The following COL22A1 variants were observed in gnomAD, a reference collection of about 807,000 sequenced individuals.
The protein encoded by COL22A1 is collagen type XXII alpha 1 chain.
Under a neutral mutation model 248.9 loss-of-function variants are expected in COL22A1, and 221 were observed. That is an observed-to-expected ratio of 0.89 (90% CI 0.80 to 0.99). The LOEUF (loss-of-function observed/expected upper bound fraction) is 0.99, where lower values mean the gene tolerates loss of function less well. Ranked by LOEUF, COL22A1 falls within the 50% of genes least tolerant of loss-of-function variation. The pLI, the probability that COL22A1 is intolerant of heterozygous loss-of-function variation, is 0.00. For synonymous variants in COL22A1, 891 were observed against 793.4 expected (o/e 1.12, Z -2.07); for missense variants, 2,240 against 2,179.0 (o/e 1.03, Z -0.56).
chr8:138,617,128 C>A (rs1819401089), intron 53 of COL22A1, among the ~76,000 whole-genome samples, 170 bp from the exon 54 acceptor site: 3 of 152,230 alleles, frequency 2.0e-5, no homozygotes, highest in Non-Finnish European at 4.4e-5. Flanking sequence ...GGTTTGACAA[C>A]TGGATACCAA....
intron 30 of COL22A1, among the ~76,000 whole-genome samples, chr8:138,708,024 C>T (rs1828623286): frequency 6.6e-6 from 1 of 152,148 alleles, no homozygotes; most frequent in African/African-American, 2.4e-5. Flanking sequence ...CACGAGTGAA[C>T]TCCCATTCAC....
rs371559054 is a variant in COL22A1 at position 138,906,658 on chromosome 8, C to CTT, written c.-73+6959_-73+6960dup. ...TTGACATAAGACTGACTTTCTTTTT[C>CTT]TTTTTTTTTTTTGAGACAGAGTCTG... On this transcript the variant is annotated intron_variant, in intron 1 of 64. Transcript: ENST00000303045. Among the ~76,000 whole-genome samples, 459 of 144,452 alleles carry CTT rather than the reference C, an allele frequency of 3.2e-3. 4 individuals carry two copies. Among genetic ancestry groups the CTT allele is most frequent in the African/African-American group, 0.011 (439 of 39,532 alleles). 94.8% of individuals were successfully genotyped at this position (144,452 alleles called of 152,430 possible).
At chr8:138,683,050 G>A (rs6982858) in intron 39 of COL22A1, among the ~76,000 whole-genome samples, 150,402 of 152,256 alleles carry the variant, frequency 0.99, 74,316 homozygotes, top group East Asian at 1. Flanking sequence ...AGAAGCCATG[G>A]TAATGAAACC....
At chr8:138,835,197 G>C (rs1419375437) in intron 4 of COL22A1, among the ~76,000 whole-genome samples, 1 of 152,164 alleles carries the variant, frequency 6.6e-6, no homozygotes, top group African/African-American at 2.4e-5. Context: ...AGGTTGTCAA[G>C]TTCTTGGAAA....
chr8:138,851,157 A>G (rs1821612817), intron 3 of COL22A1, among the ~76,000 whole-genome samples: 1 of 152,170 alleles, frequency 6.6e-6, no homozygotes, highest in African/African-American at 2.4e-5. Context: ...GGGCTTTGGG[A>G]GCGGGGACAC....
intron 31 of COL22A1, among the ~76,000 whole-genome samples, chr8:138,702,797 C>A (rs1192686047): frequency 6.6e-6 from 1 of 152,122 alleles, no homozygotes; most frequent in Non-Finnish European, 1.5e-5. Flanking sequence ...ATAATATTTT[C>A]TAACAGACGA....
rs1818250556 is a variant in COL22A1, at chr8:138,811,782, T to G, written c.1449+17A>C. The stretch of plus-strand genomic sequence containing the variant: ...CCCAGGGTTCTGCTGGGGCTGAAGG[T>G]GGACTGCAGACAATACCTTCTCTCC... On this transcript the variant is annotated intron_variant, in intron 9 of 64. Transcript: ENST00000303045. 1 of 1,598,838 alleles carries G rather than the reference T, an allele frequency of 6.3e-7. No homozygotes were observed.
chr8:138,837,899 C>A (rs925371502), intron 4 of COL22A1, among the ~76,000 whole-genome samples: 1 of 152,096 alleles, frequency 6.6e-6, no homozygotes, highest in Non-Finnish European at 1.5e-5. Context: ...AGAGGTGGGA[C>A]GTGTCCTGGT....
chr8:138,905,111 G>A (rs1814913260), intron 1 of COL22A1, among the ~76,000 whole-genome samples: 2 of 152,312 alleles, frequency 1.3e-5, no homozygotes, highest in South Asian at 2.1e-4. Flanking sequence ...TTAGATACAT[G>A]ACAAACTCTA....
chr8:138,625,548 GACA>G (rs1199565242), intron 51 of COL22A1, among the ~76,000 whole-genome samples: 1 of 152,282 alleles, frequency 6.6e-6, no homozygotes, highest in East Asian at 1.9e-4. Context: ...AAAAGTTCAG[GACA>G]ACATCTTTGG....
chr8:138,644,005 C>T (rs182277983), intron 47 of COL22A1, among the ~76,000 whole-genome samples: 377 of 152,344 alleles, frequency 2.5e-3, no homozygotes, highest in Non-Finnish European at 4.0e-3. Flanking sequence ...TGATCTTGAA[C>T]TCCTGTCCTC....
chr8:138,824,417 T>C (rs1306383666), intron 6 of COL22A1, among the ~76,000 whole-genome samples: 1 of 152,200 alleles, frequency 6.6e-6, no homozygotes. Flanking sequence ...TTTCTTCTAA[T>C]CTCTCTATTA....
chr8:138,897,314 G>A (rs1007952251), intron 1 of COL22A1, among the ~76,000 whole-genome samples: 2 of 152,148 alleles, frequency 1.3e-5, no homozygotes, highest in Non-Finnish European at 2.9e-5. Context: ...TTGGGAGGCT[G>A]AGGCAGGCGA....
chr8:138,877,951 GGCC>G lies in COL22A1; in HGVS notation c.454_456del (p.Gly152del), dbSNP rs1563876470. On this transcript the variant is annotated inframe_deletion, in exon 3 of 65. Transcript: ENST00000303045. ...GCGTCCAGCACCAGGTCCTGGCTGC[GGCC>G]GTCGGTGAGCAGGATGGCCACCTGC... The G allele has an allele frequency of 6.3e-7, 1 of 1,596,582 alleles. No individual in the cohort carries two copies. Among genetic ancestry groups the G allele is most frequent in the Admixed American group, 1.7e-5 (1 of 58,148 alleles).
intron 60 of COL22A1, among the ~76,000 whole-genome samples, chr8:138,601,056 T>C (rs1000094804): frequency 2.6e-5 from 4 of 152,070 alleles, no homozygotes; most frequent in Non-Finnish European, 5.9e-5. Context: ...TCTCCGCCTA[T>C]TGATTAGGTA....
intron 52 of COL22A1, among the ~76,000 whole-genome samples, chr8:138,623,330 C>A (rs1173866881): frequency 1.3e-5 from 2 of 150,792 alleles, no homozygotes; most frequent in Non-Finnish European, 2.9e-5. Flanking sequence ...GCAGGTGCCA[C>A]TCAGATTTTA....
At chr8:138,759,380 G>C (rs1172928398) in intron 18 of COL22A1, among the ~76,000 whole-genome samples, 1 of 152,156 alleles carries the variant, frequency 6.6e-6, no homozygotes, top group African/African-American at 2.4e-5. Context: ...GGTCTCAGCC[G>C]TCTGAGCTGA....
intron 22 of COL22A1, among the ~76,000 whole-genome samples, chr8:138,742,873 A>C (rs1831752968): frequency 7.4e-6 from 1 of 135,460 alleles, no homozygotes; most frequent in Non-Finnish European, 1.6e-5. Context: ...TGATGGTAGT[A>C]GTGATTGTGA....
intron 38 of COL22A1, 87 bp downstream of exon 38, chr8:138,685,119 CAA>C: frequency 1.1e-6 from 1 of 942,088 alleles, no homozygotes; most frequent in Non-Finnish European, 1.7e-6. Context: ...TCAATTTCTG[CAA>C]AGTTTGGCAG....
Sources: gnomAD v4.1 joint callset for allele counts (sites outside exome capture counted in the v4.1 genomes callset) on GRCh38, gnomAD v4.1.1 for gene constraint, MANE v1.5 for transcripts, NCBI Gene and HGNC (gene_info 2026-07-23, HGNC 2026-07-21) for gene names.